Variants in PKIB observed in about 807,000 individuals in gnomAD.
The protein encoded by PKIB is PKI-beta.
Under a neutral mutation model 4.5 loss-of-function variants are expected in PKIB, and 2 were observed. That is an observed-to-expected ratio of 0.44 (90% confidence interval 0.18 to 1.39). The LOEUF is 1.39. PKIB is among the 40% of genes most tolerant of loss of function. PKIB has a pLI of 0.27. For synonymous variants in PKIB, 38 were observed against 36.0 expected (o/e 1.06, Z -0.20); for missense variants, 94 against 92.6 (o/e 1.02, Z -0.06).
In PKIB at chr6:122,631,766, A is replaced by G. The variant is rs537179266; in HGVS notation, c.-160-1517A>G. Among the ~76,000 whole-genome samples, 71 of 152,328 alleles carry G rather than the reference A, an allele frequency of 4.7e-4. 2 individuals carry two copies. The highest frequency in any genetic ancestry group is 1.9e-3 in the South Asian group (9 of 4,834). On this transcript the variant is annotated intron_variant, in intron 1 of 4. Coordinates refer to ENST00000368452, the MANE Select transcript of PKIB (RefSeq NM_181795.3). ...AACTGAGTTCAGTGCTTCTGCCTATATGTTGCAATGCCCTTAGGACATTCT... is the reference window on the plus strand; with the variant it reads ...AACTGAGTTCAGTGCTTCTGCCTATGTGTTGCAATGCCCTTAGGACATTCT...
intron 2 of PKIB, chr6:122,530,990 C>A (rs757294596): frequency 6.6e-6 from 1 of 152,170 alleles, no homozygotes; most frequent in African/African-American, 2.4e-5. Context: ...GTGGTTCTCA[C>A]AGGATATTCT....
chr6:122,616,467 C>T lies in PKIB; in HGVS notation c.-161+5932C>T, dbSNP rs9320884. Among the ~76,000 whole-genome samples the T allele has an allele frequency of 7.6e-4, 116 of 152,014 alleles. 1 individual carries two copies. The South Asian group carries it at 0.017, about 22-fold the overall frequency. ...GATTATAGGTGAAAGATGGAGGAGA[C>T]GGTTCGGTATGCAGGGAATCACGCG... On this transcript the variant is annotated intron_variant, in intron 1 of 4. Coordinates refer to ENST00000368452, the MANE Select transcript of PKIB (RefSeq NM_181795.3).
At chr6:122,526,004 G>T (rs1777083380) in intron 2 of PKIB, among the ~76,000 whole-genome samples, 1 of 152,056 alleles carries the variant, frequency 6.6e-6, no homozygotes, top group African/African-American at 2.4e-5. Flanking sequence ...TAAGTTCTTT[G>T]TTGTCATTTC....
chr6:122,576,716 T>TATATATA, intron 2 of PKIB, among the ~76,000 whole-genome samples: 3 of 100,630 alleles, frequency 3.0e-5, no homozygotes, highest in Non-Finnish European at 6.3e-5. Context: ...ATATATTTTC[T>TATATATA]TTTGTATAAT....
rs1562249215 is a variant in PKIB, at chr6:122,553,478, C to CTTTTTTTTTTTTTTT, written c.-247-32441_-247-32440insTTTTTTTTTTTTTTT. ...TCATCTCTCAAGATTGCTCAAATAT[C>CTTTTTTTTTTTTTTT]TTCTTTTTTTTTTTTTTTTTTTTTT... On this transcript the variant is annotated intron_variant, in intron 2 of 6. Coordinates refer to the PKIB transcript ENST00000392491. Among the ~76,000 whole-genome samples, 42 of 48,908 alleles carry CTTTTTTTTTTTTTTT rather than the reference C, an allele frequency of 8.6e-4. 4 individuals are homozygous for CTTTTTTTTTTTTTTT. In the East Asian group the frequency reaches 0.015, roughly 18 times the overall value. The allele number at this position is 48,908 out of a possible 152,430, so 32.1% of individuals were successfully genotyped here. A position where few individuals can be genotyped will look rare whatever the true frequency, so the allele number is the denominator to read the frequency against.
At chr6:122,666,865 G>A (rs1451840233) in intron 2 of PKIB, among the ~76,000 whole-genome samples, 5 of 152,166 alleles carry the variant, frequency 3.3e-5, no homozygotes, top group Admixed American at 3.3e-4. Flanking sequence ...CCATATGGCG[G>A]ACAGACCTGG....
At chr6:122,702,112 G>A (rs1778835344) in intron 3 of PKIB, among the ~76,000 whole-genome samples, 1 of 152,114 alleles carries the variant, frequency 6.6e-6, no homozygotes, top group Non-Finnish European at 1.5e-5. Flanking sequence ...GGAAACGGGG[G>A]AAAGACTCTC....
intron 2 of PKIB, among the ~76,000 whole-genome samples, chr6:122,578,553 G>A (rs1360217417): frequency 6.6e-6 from 1 of 152,018 alleles, no homozygotes; most frequent in Non-Finnish European, 1.5e-5. Context: ...TATTTGCCTA[G>A]TTGTGCAGGT....
At chr6:122,646,024 G>A (rs9490509) in intron 2 of PKIB, among the ~76,000 whole-genome samples, 51,118 of 151,720 alleles carry the variant, frequency 0.34, 9,350 homozygotes, top group Middle Eastern at 0.44. Context: ...AACTTCCTGC[G>A]GTTGAAACTG....
At chr6:122,677,310 T>A (rs1422760475) in intron 3 of PKIB, among the ~76,000 whole-genome samples, 5 of 152,188 alleles carry the variant, frequency 3.3e-5, no homozygotes, top group African/African-American at 1.2e-4. Context: ...CCTTGGAACT[T>A]GTTTTTTTTG....
Position 122,546,578 on chromosome 6 carries a change from C to T in PKIB, c.-247-39343C>T, listed in dbSNP as rs571112714. Reference sequence around the variant, plus strand: ...GTGTTGTAATGTCTAACTATATATACAAACTATGTGGACATCATGCTTAAA... The same window carrying T: ...GTGTTGTAATGTCTAACTATATATATAAACTATGTGGACATCATGCTTAAA... On this transcript the variant is annotated intron_variant, in intron 2 of 6. Coordinates refer to the PKIB transcript ENST00000392491. Among the ~76,000 whole-genome samples the T allele has an allele frequency of 1.5e-4, 23 of 152,086 alleles. 1 individual carries two copies. Among genetic ancestry groups the T allele is most frequent in the African/African-American group, 5.6e-4 (23 of 41,418 alleles).
At chr6:122,633,577 C>T (rs1775783966) in intron 2 of PKIB, among the ~76,000 whole-genome samples, 1 of 152,038 alleles carries the variant, frequency 6.6e-6, no homozygotes, top group Non-Finnish European at 1.5e-5. Flanking sequence ...CATACTGGGA[C>T]CTTGAGATAC....
At chr6:122,637,792 A>G (rs1775983912) in intron 2 of PKIB, among the ~76,000 whole-genome samples, 1 of 151,856 alleles carries the variant, frequency 6.6e-6, no homozygotes, top group South Asian at 2.1e-4. Context: ...TAAATAAATA[A>G]ATAAAGATGA....
intron 2 of PKIB, among the ~76,000 whole-genome samples, chr6:122,579,993 C>T (rs1773658092): frequency 6.6e-6 from 1 of 151,992 alleles, no homozygotes; most frequent in Admixed American, 6.6e-5. Context: ...TCTTAAGGTG[C>T]TTTCTATTCA....
intron 2 of PKIB, among the ~76,000 whole-genome samples, chr6:122,487,469 C>T (rs1775802060): frequency 6.6e-6 from 1 of 152,096 alleles, no homozygotes; most frequent in Non-Finnish European, 1.5e-5. Flanking sequence ...GAAGGTGGGG[C>T]CTTTTGGGAG....
intron 1 of PKIB, among the ~76,000 whole-genome samples, chr6:122,618,449 C>A (rs1421787743): frequency 6.6e-6 from 1 of 151,900 alleles, no homozygotes; most frequent in Non-Finnish European, 1.5e-5. Flanking sequence ...CAAGTCCTAA[C>A]CTTTAACATT....
intron 3 of PKIB, among the ~76,000 whole-genome samples, chr6:122,680,039 T>C (rs1777834473): frequency 6.6e-6 from 1 of 152,336 alleles, no homozygotes; most frequent in South Asian, 2.1e-4. Flanking sequence ...AATAGGTCAA[T>C]TGTAGAACAC....
intron 2 of PKIB, among the ~76,000 whole-genome samples, chr6:122,654,901 A>G (rs994278880): frequency 2.0e-4 from 31 of 152,192 alleles, no homozygotes; most frequent in African/African-American, 6.0e-4. Flanking sequence ...TCCTAATATA[A>G]TTAGAAACTT....
intron 3 of PKIB, among the ~76,000 whole-genome samples, chr6:122,679,278 A>G (rs1317666667): frequency 1.3e-5 from 2 of 152,206 alleles, no homozygotes; most frequent in Non-Finnish European, 2.9e-5. Flanking sequence ...AGGGTAGTTT[A>G]TTTCAACTGC....
Sources: gnomAD v4.1 joint callset for allele counts (sites outside exome capture counted in the v4.1 genomes callset) on GRCh38, gnomAD v4.1.1 for gene constraint, MANE v1.5 for transcripts, NCBI Gene and HGNC (gene_info 2026-07-23, HGNC 2026-07-21) for gene names.